The following FGD5 variants were observed in gnomAD, a reference collection of about 807,000 sequenced individuals.
FGD5 encodes the protein FYVE, RhoGEF and PH domain-containing protein 5.
A neutral mutation model predicts 133.4 loss-of-function variants in FGD5; 28 were observed. The observed-to-expected ratio is 0.21, with a 90% CI of 0.16 to 0.29. The LOEUF (loss-of-function observed/expected upper bound fraction) is 0.29, where lower values mean the gene tolerates loss of function less well. Ranked by LOEUF, FGD5 falls within the 10% of genes least tolerant of loss-of-function variation. The pLI is 1.00. For synonymous variants in FGD5, 810 were observed against 776.5 expected (o/e 1.04, Z -0.72); for missense variants, 1,858 against 1,895.2 (o/e 0.98, Z 0.36).
At chr3:14,846,237 T>C (rs1031920146) in intron 1 of FGD5, among the ~76,000 whole-genome samples, 1 of 152,158 alleles carries the variant, frequency 6.6e-6, no homozygotes, top group Non-Finnish European at 1.5e-5. Context: ...GCTCAGGGGC[T>C]TCTTTGGGGA....
chr3:14,817,285 T>A (rs908325918), upstream of FGD5, among the ~76,000 whole-genome samples: 4 of 152,158 alleles, frequency 2.6e-5, no homozygotes, highest in Non-Finnish European at 4.4e-5. Flanking sequence ...AACCTCTGTC[T>A]CCCAGGTTTA....
In FGD5 at chr3:14,820,349, G is replaced by A. The variant is rs2036464969; in HGVS notation, c.1278G>A (p.Leu426=). 6.2e-7 allele frequency: 1 copy of A among 1,613,016 alleles called. No individual in the cohort carries two copies. The highest frequency in any genetic ancestry group is 8.5e-7 in the Non-Finnish European group (1 of 1,179,466). Residue 426 remains leucine, a synonymous_variant, in exon 1 of 20, where the codon CTG becomes CTA. Coordinates refer to ENST00000285046, the MANE Select transcript of FGD5 (RefSeq NM_152536.4). ...AGGAGGAGGCCTTGGATGATGCACT[G>A]GCCAACCCCTATGTGATGGGAGTGG... ...VLEEEALDDA[L]ANPYVMGVGL... is the part of the protein sequence containing the mutation.
chr3:14,848,675 A>T (rs189431567), intron 1 of FGD5, among the ~76,000 whole-genome samples: 1 of 152,350 alleles, frequency 6.6e-6, no homozygotes, highest in East Asian at 1.9e-4. Context: ...TATGCAAATA[A>T]AAAAGATTAT....
At chr3:14,870,751 G>A (rs2037591275) in intron 2 of FGD5, among the ~76,000 whole-genome samples, 1 of 152,086 alleles carries the variant, frequency 6.6e-6, no homozygotes. Flanking sequence ...GTGCCCTTTA[G>A]GGACCTTCTT....
intron 1 of FGD5, among the ~76,000 whole-genome samples, chr3:14,838,439 T>A: frequency 6.6e-6 from 1 of 152,188 alleles, no homozygotes; most frequent in East Asian, 1.9e-4. Context: ...GATTAGGGAG[T>A]GGACATTTTG....
chr3:14,916,770 C>T (rs1049477297), intron 11 of FGD5, among the ~76,000 whole-genome samples: 4 of 152,224 alleles, frequency 2.6e-5, no homozygotes, highest in African/African-American at 9.6e-5. Flanking sequence ...TAGATTAGTT[C>T]TGCCTATTCT....
intron 4 of FGD5, among the ~76,000 whole-genome samples, chr3:14,893,457 T>C (rs1053309069): frequency 1.3e-5 from 2 of 152,116 alleles, no homozygotes; most frequent in African/African-American, 2.4e-5. Flanking sequence ...GCTCAAGCAA[T>C]CTTCCTGCTT....
intron 1 of FGD5, among the ~76,000 whole-genome samples, chr3:14,861,172 G>C (rs886460034): frequency 1.1e-4 from 16 of 152,108 alleles, no homozygotes; most frequent in African/African-American, 3.9e-4. Context: ...GGAGTGGCTC[G>C]GGTTTGGGAA....
intron 1 of FGD5, among the ~76,000 whole-genome samples, chr3:14,842,998 A>G (rs1458255495): frequency 1.3e-5 from 2 of 152,178 alleles, no homozygotes; most frequent in African/African-American, 4.8e-5. Context: ...AAACAGAAGT[A>G]TATTTTTAAG....
At chr3:14,916,607 G>T (rs2038560068) in intron 11 of FGD5, among the ~76,000 whole-genome samples, 1 of 152,132 alleles carries the variant, frequency 6.6e-6, no homozygotes. Context: ...GTGTTAGTTG[G>T]TACTGACAAG....
intron 1 of FGD5, among the ~76,000 whole-genome samples, chr3:14,852,435 C>T (rs1336412451): frequency 6.6e-6 from 1 of 152,128 alleles, no homozygotes; most frequent in African/African-American, 2.4e-5. Context: ...GGCTGAGAGG[C>T]CTAGCAAGGA....
At position 14,922,691 on chromosome 3, in the gene FGD5, C is replaced by A; in HGVS notation, c.3807+143C>A. 1 of 1,177,636 alleles carries A rather than the reference C, an allele frequency of 8.5e-7. No individual in the cohort carries two copies. The highest frequency in any genetic ancestry group is 1.2e-6 in the Non-Finnish European group (1 of 852,954). The allele number at this position is 1,177,636 out of a possible 1,614,324, so 72.9% of individuals were successfully genotyped here. On this transcript the variant is annotated intron_variant, in intron 15 of 19. Coordinates refer to ENST00000285046, the MANE Select transcript of FGD5 (RefSeq NM_152536.4). This position sits in a 1 kb window ranked among gnomAD's most constrained non-coding sequence, Gnocchi z 4.1. ...CATGTTCACACCAACCCGAGAGGAA[C>A]AGATTGCTAATTCCCATTTTATAGA... is the stretch of plus-strand genomic sequence containing the variant.
chr3:14,870,948 AC>A (rs1430417918), intron 2 of FGD5, among the ~76,000 whole-genome samples: 1 of 152,216 alleles, frequency 6.6e-6, no homozygotes, highest in Non-Finnish European at 1.5e-5. Context: ...AATTCAGTAG[AC>A]ACCCAGTTCT....
chr3:14,897,227 G>A (rs963808368), intron 4 of FGD5: 4 of 382,630 alleles, frequency 1.0e-5, no homozygotes, highest in African/African-American at 4.2e-5. Context: ...TGTTCACCAC[G>A]TGGCCACAAC....
Position 14,821,324 on chromosome 3 carries a change from GC to G in FGD5, c.2256del (p.Phe753SerfsTer6). On this transcript the variant is annotated frameshift_variant, in exon 1 of 20. Coordinates refer to ENST00000285046, the MANE Select transcript of FGD5 (RefSeq NM_152536.4). LOFTEE classifies it high-confidence loss of function. ...VESFEDRSRP[P>X]FLPLPLTKPR... The stretch of plus-strand genomic sequence containing the variant: ...AGTCCTTTGAAGACCGCTCCCGGCC[GC>G]CCTTCCTGCCCTTGCCACTGACCAA... 1 of 1,613,924 alleles carries G rather than the reference GC, an allele frequency of 6.2e-7. No homozygotes were observed. Among genetic ancestry groups the G allele is most frequent in the South Asian group, 1.1e-5 (1 of 91,078 alleles).
At chr3:14,862,633 G>A (rs2037420440) in intron 1 of FGD5, among the ~76,000 whole-genome samples, 1 of 152,192 alleles carries the variant, frequency 6.6e-6, no homozygotes, top group Non-Finnish European at 1.5e-5. Context: ...TCATTTGAAA[G>A]AGAAGGCCAA....
chr3:14,841,934 G>A (rs959729544), intron 1 of FGD5, among the ~76,000 whole-genome samples: 26 of 152,184 alleles, frequency 1.7e-4, no homozygotes, highest in East Asian at 5.8e-4. Flanking sequence ...GGCAGTTGCC[G>A]AGATCCAGAT....
chr3:14,877,770 G>C (rs1220386854), intron 2 of FGD5, among the ~76,000 whole-genome samples: 1 of 152,182 alleles, frequency 6.6e-6, no homozygotes, highest in Non-Finnish European at 1.5e-5. Context: ...GATGGGGCAG[G>C]GGCCCTTAAC....
intron 1 of FGD5, among the ~76,000 whole-genome samples, chr3:14,862,589 G>A (rs959915239): frequency 6.6e-6 from 1 of 152,164 alleles, no homozygotes; most frequent in South Asian, 2.1e-4. Context: ...GTATACCTTG[G>A]TAGTAGGTAT....
Sources: allele counts gnomAD v4.1 joint callset (sites outside exome capture counted in the v4.1 genomes callset), GRCh38; gene constraint gnomAD v4.1.1; non-coding constraint Gnocchi (gnomAD v3.1); transcripts MANE v1.5; gene names NCBI Gene and HGNC (gene_info 2026-07-23, HGNC 2026-07-21).